MAP3K13: variants seen among roughly 807,000 people sequenced by gnomAD.
The protein encoded by MAP3K13 is leucine zipper-bearing kinase.
In MAP3K13, 52 loss-of-function variants were observed where a neutral mutation model predicts 104.0. That is an observed-to-expected ratio of 0.50 (90% CI 0.40 to 0.63). The LOEUF is 0.63. MAP3K13 is among the 20% of genes least tolerant of loss of function. MAP3K13 has a pLI of 0.00. For synonymous variants in MAP3K13, 394 were observed against 442.2 expected (o/e 0.89, Z 1.37); for missense variants, 914 against 1,218.5 (o/e 0.75, Z 3.72).
In MAP3K13 at chr3:185,477,616, T is replaced by G. The variant is rs558853055; in HGVS notation, c.2501+220T>G. On this transcript the variant is annotated intron_variant, in intron 12 of 13. Transcript: ENST00000265026. ...CATTCATTTTACAGCAACTTCATGATGAGGAGCATGAATACAGATTCAAGG... is the reference window on the plus strand; with the variant it reads ...CATTCATTTTACAGCAACTTCATGAGGAGGAGCATGAATACAGATTCAAGG... Among the ~76,000 whole-genome samples the G allele has an allele frequency of 5.9e-5, 9 of 152,304 alleles. No homozygotes were observed. In the East Asian group the frequency reaches 1.7e-3, roughly 29 times the overall value.
At chr3:185,449,483 G>A (rs1056335973) in intron 5 of MAP3K13, among the ~76,000 whole-genome samples, 1 of 149,916 alleles carries the variant, frequency 6.7e-6, no homozygotes, top group Non-Finnish European at 1.5e-5. Context: ...TTTGATTCAT[G>A]TGAAATTTAT....
intron 2 of MAP3K13, among the ~76,000 whole-genome samples, chr3:185,349,418 G>T (rs865977494): frequency 6.6e-6 from 1 of 151,630 alleles, no homozygotes; most frequent in African/African-American, 2.4e-5. Context: ...GCCTCCAGCT[G>T]CATCCATGTT....
intron 7 of MAP3K13, among the ~76,000 whole-genome samples, chr3:185,454,060 GAT>G (rs1231449149): frequency 4.8e-3 from 7 of 1,446 alleles, no homozygotes; most frequent in Admixed American, 0.016. Context: ...ATATATATGA[GAT>G]ATATATATGA....
At chr3:185,459,744 C>T (rs1716988117) in intron 7 of MAP3K13, among the ~76,000 whole-genome samples, 1 of 152,160 alleles carries the variant, frequency 6.6e-6, no homozygotes, top group South Asian at 2.1e-4. Flanking sequence ...GCCACTCCAC[C>T]CGGCCGATTT....
At chr3:185,309,138 C>T (rs1443341142) in intron 2 of MAP3K13, among the ~76,000 whole-genome samples, 1 of 152,138 alleles carries the variant, frequency 6.6e-6, no homozygotes, top group Non-Finnish European at 1.5e-5. Context: ...GTCACATTCA[C>T]AGGTGCCAGG....
intron 2 of MAP3K13, among the ~76,000 whole-genome samples, chr3:185,350,336 T>C (rs1723093801): frequency 6.6e-6 from 1 of 152,046 alleles, no homozygotes; most frequent in Non-Finnish European, 1.5e-5. Context: ...CAGGCATGCA[T>C]TACCATGCCT....
intron 1 of MAP3K13, chr3:185,417,557 C>G (rs1157194865): frequency 1.9e-5 from 31 of 1,611,218 alleles, no homozygotes; most frequent in Middle Eastern, 2.2e-4. Flanking sequence ...TTTTCAGGGG[C>G]TGGTTTCTTG....
chr3:185,361,397 T>G (rs577434104), upstream of MAP3K13, among the ~76,000 whole-genome samples: 1 of 149,872 alleles, frequency 6.7e-6, no homozygotes, highest in Non-Finnish European at 1.5e-5. Flanking sequence ...CGTTTTTTGT[T>G]TTTTTTTTTT....
At chr3:185,407,734 A>G (rs926685380) in intron 1 of MAP3K13, among the ~76,000 whole-genome samples, 3 of 151,994 alleles carry the variant, frequency 2.0e-5, no homozygotes, top group African/African-American at 7.3e-5. Flanking sequence ...ATCAGTTCCC[A>G]CACCTGGCCC....
chr3:185,443,853 T>C, intron 4 of MAP3K13: 1 of 488,576 alleles, frequency 2.0e-6, no homozygotes, highest in Non-Finnish European at 3.6e-6. Flanking sequence ...CTTTTCCTTT[T>C]TGGTGCTTTT....
chr3:185,418,763 G>A lies in MAP3K13; in HGVS notation c.-85-9734G>A. The A allele has an allele frequency of 6.2e-7, 1 of 1,606,522 alleles. No homozygotes were observed. The highest frequency in any genetic ancestry group is 8.5e-7 in the Non-Finnish European group (1 of 1,174,366). On this transcript the variant is annotated intron_variant, in intron 1 of 13. Coordinates refer to ENST00000265026, the MANE Select transcript of MAP3K13 (RefSeq NM_004721.5). This position sits in a 1 kb window ranked among gnomAD's most constrained non-coding sequence, Gnocchi z 4.5. The stretch of plus-strand genomic sequence containing the variant: ...TTTTCGGAGTACACCGATATCATTG[G>A]GCGAGCACACGCCATGGCGGAGAGA...
chr3:185,465,545 T>C (rs1022140361), intron 8 of MAP3K13, among the ~76,000 whole-genome samples: 9 of 152,224 alleles, frequency 5.9e-5, no homozygotes, highest in Admixed American at 2.0e-4. Context: ...ATGGGCTCTT[T>C]AGGATAAACC....
chr3:185,466,950 A>G lies in MAP3K13; in HGVS notation c.1630A>G (p.Met544Val), dbSNP rs78802989. 788 of 1,613,996 alleles carry G rather than the reference A, an allele frequency of 4.9e-4. 5 individuals carry two copies. In the African/African-American group the frequency reaches 9.7e-3, roughly 20 times the overall value. Residue 544 changes from methionine (M) to valine (V), a missense_variant, in exon 10 of 14, where the codon ATG becomes GTG. By Grantham distance (21) the Met-to-Val change is conservative (BLOSUM62 1). Coordinates refer to ENST00000265026, the MANE Select transcript of MAP3K13 (RefSeq NM_004721.5). ...KRKGVPHKSG[M>V]QTKRPDLLRS... ...GAAAGGAGTGCCTCACAAATCTGGG[A>G]TGCAGACCAAACGGTGAGACACCTG...
intron 2 of MAP3K13, chr3:185,329,256 A>G: frequency 2.8e-6 from 2 of 703,174 alleles, no homozygotes; most frequent in South Asian, 1.5e-5. Flanking sequence ...AAAAGTGAGT[A>G]TGTACCTAGT....
In MAP3K13 at chr3:185,485,123, TC is replaced by T. The variant is rs1185313657; in HGVS notation, c.*2668del. ...CATATAGTTAAAAAGCTGTAAACTT[TC>T]TAAAGTTTCTTAGGAAATAAATTCA... is the stretch of plus-strand genomic sequence containing the variant. On this transcript the variant is annotated 3_prime_UTR_variant, in exon 14 of 14. Coordinates refer to ENST00000265026, the MANE Select transcript of MAP3K13 (RefSeq NM_004721.5). The T allele has an allele frequency of 6.6e-6, 1 of 152,200 alleles. No individual in the cohort carries two copies. The highest frequency in any genetic ancestry group is 1.5e-5 in the Non-Finnish European group (1 of 68,038). The allele number at this position is 152,200 out of a possible 1,614,324, so 9.4% of individuals were successfully genotyped here.
At position 185,450,036 on chromosome 3, in the gene MAP3K13, A is replaced by C. The variant is rs777161758; in HGVS notation, c.1147A>C (p.Lys383Gln). Residue 383 changes from lysine to glutamine, a missense_variant, in exon 6 of 14, where the codon AAA becomes CAA. Lys to Gln is a moderately conservative substitution (Grantham distance 53). Transcript: ENST00000265026. The surrounding 1 kb of genome is among the most constrained non-coding windows in gnomAD (Gnocchi z 4.2). ...PVPSTCPDGF[K>Q]ILMKQTWQSK... ...TCCTTCCACTTGCCCTGATGGATTC[A>C]AAATCCTTATGAAACAGACGTGGTA... is the stretch of plus-strand genomic sequence containing the variant. The C allele has an allele frequency of 6.2e-7, 1 of 1,612,048 alleles. No individual in the cohort carries two copies. Among genetic ancestry groups the C allele is most frequent in the Admixed American group, 1.7e-5 (1 of 59,594 alleles).
intron 2 of MAP3K13, among the ~76,000 whole-genome samples, chr3:185,295,521 G>A (rs184018628): frequency 3.2e-4 from 48 of 152,296 alleles, no homozygotes; most frequent in Non-Finnish European, 5.7e-4. Context: ...GGCTTTTGCA[G>A]AGCAGATACT....
In MAP3K13 at chr3:185,454,871, A is replaced by AGATATATACAT. The variant is rs1716298699; in HGVS notation, c.1278+3484_1278+3485insCATGATATATA. Among the ~76,000 whole-genome samples the AGATATATACAT allele has an allele frequency of 1.2e-3, 42 of 35,984 alleles. 1 individual carries two copies. The highest frequency in any genetic ancestry group is 2.9e-3 in the South Asian group (3 of 1,048). The allele number at this position is 35,984 out of a possible 152,430, so 23.6% of individuals were successfully genotyped here. Reference sequence around the variant, plus strand: ...GAGATATATACATGATATATATATGAGATATATATATGATATATATATGAG... The same window carrying AGATATATACAT: ...GAGATATATACATGATATATATATGAGATATATACATGATATATATATGATATATATATGAG... On this transcript the variant is annotated intron_variant, in intron 7 of 13. Coordinates refer to ENST00000265026, the MANE Select transcript of MAP3K13 (RefSeq NM_004721.5).
intron 2 of MAP3K13, among the ~76,000 whole-genome samples, chr3:185,319,918 T>C (rs1721798883): frequency 6.6e-6 from 1 of 152,186 alleles, no homozygotes. Flanking sequence ...GTAGTTGTTA[T>C]TAATTGTGAA....
Sources: allele counts gnomAD v4.1 joint callset (sites outside exome capture counted in the v4.1 genomes callset), GRCh38; gene constraint gnomAD v4.1.1; non-coding constraint Gnocchi (gnomAD v3.1); transcripts MANE v1.5; gene names NCBI Gene and HGNC (gene_info 2026-07-23, HGNC 2026-07-21).